Variants in IL12RB1 observed in about 807,000 individuals in gnomAD.
The protein encoded by IL12RB1 is interleukin-12 receptor subunit beta-1.
A neutral mutation model predicts 94.4 loss-of-function variants in IL12RB1; 64 were observed. That is an observed-to-expected ratio of 0.68 (90% confidence interval 0.55 to 0.83). The LOEUF is 0.83. Among genes scored for constraint, IL12RB1 ranks in the 40% least tolerant of loss-of-function variants. The pLI, the probability that IL12RB1 is intolerant of heterozygous loss-of-function variation, is 0.00. For synonymous variants in IL12RB1, 362 were observed against 355.5 expected (o/e 1.02, Z -0.21); for missense variants, 814 against 855.6 (o/e 0.95, Z 0.61).
chr19:18,068,583 C>A (rs1332448766), intron 10 of IL12RB1, 57 bp from the exon 11 acceptor site: 10 of 1,468,496 alleles, frequency 6.8e-6, no homozygotes, highest in Non-Finnish European at 9.5e-6. Flanking sequence ...ACCTCTGCAC[C>A]TTTGCACTGG....
At chr19:18,071,362 C>A (rs1015980202) in intron 9 of IL12RB1, 1 of 1,017,108 alleles carries the variant, frequency 9.8e-7, no homozygotes, top group South Asian at 1.3e-5. Context: ...GAAATTAGAT[C>A]TTAAATAAAC....
chr19:18,087,117 G>C (rs2036399967), upstream of IL12RB1: 3 of 508,630 alleles, frequency 5.9e-6, no homozygotes, highest in Non-Finnish European at 1.1e-5. Context: ...GCTGGCCCCA[G>C]ACCTGAACTG....
chr19:18,073,432 C>T (rs953813084), intron 8 of IL12RB1, 85 bp downstream of exon 8: 8 of 838,950 alleles, frequency 9.5e-6, no homozygotes, highest in Non-Finnish European at 1.7e-5. Context: ...CTCCCTCCAT[C>T]TACCACTTGC....
chr19:18,092,129 G>A (rs984509831), intron 1 of IL12RB1, among the ~76,000 whole-genome samples: 35 of 150,828 alleles, frequency 2.3e-4, no homozygotes, highest in African/African-American at 8.3e-4. Context: ...TGCTGGCCTC[G>A]GCCTCCCAAA....
At chr19:18,078,446 A>T (rs2035641031) in intron 4 of IL12RB1, among the ~76,000 whole-genome samples, 1 of 151,942 alleles carries the variant, frequency 6.6e-6, no homozygotes, top group Admixed American at 6.6e-5. Flanking sequence ...AAAATAAATA[A>T]TTTTTAATAA....
chr19:18,059,453 G>GT lies in IL12RB1; in HGVS notation c.*154dup, dbSNP rs1385422138. ...CTTCCATTTCATGGCAGCATCTAGG[G>GT]TTCCCCCGCAGGATGGGTGGCAACA... On this transcript the variant is annotated 3_prime_UTR_variant, in exon 17 of 17. Coordinates refer to ENST00000593993, the MANE Select transcript of IL12RB1 (RefSeq NM_005535.3). 5 of 644,048 alleles carry GT rather than the reference G, an allele frequency of 7.8e-6. No individual in the cohort carries two copies. The East Asian group carries it at 8.3e-5, about 11-fold the overall frequency. The allele number at this position is 644,048 out of a possible 1,614,324, so 39.9% of individuals were successfully genotyped here. A position where few individuals can be genotyped will look rare whatever the true frequency, so the allele number is the denominator to read the frequency against.
At position 18,080,921 on chromosome 19, in the gene IL12RB1, A is replaced by G. The variant is rs150285174; in HGVS notation, c.320T>C (p.Val107Ala). The change falls in exon 4 of 17, where the codon GTG becomes GCG. Residue 107 changes from valine to alanine, a missense_variant. By Grantham distance (64) the Val-to-Ala change is moderately conservative. Coordinates refer to ENST00000593993, the MANE Select transcript of IL12RB1 (RefSeq NM_005535.3). ...LQFSDQAGVS[V>A]LYTVTLWVES... Reference sequence around the variant, plus strand: ...CACCCAGAGTGTGACAGTGTACAGCACAGACACCCCAGCCTGGTCGGAGAA... The same window carrying G: ...CACCCAGAGTGTGACAGTGTACAGCGCAGACACCCCAGCCTGGTCGGAGAA... 128 of 1,613,820 alleles carry G rather than the reference A, an allele frequency of 7.9e-5. No individual in the cohort carries two copies. Among genetic ancestry groups the G allele is most frequent in the Non-Finnish European group, 1.4e-5 (16 of 1,179,910 alleles).
chr19:18,072,256 A>G lies in IL12RB1; in HGVS notation c.877T>C (p.Cys293Arg). 1 of 1,614,104 alleles carries G rather than the reference A, an allele frequency of 6.2e-7. No homozygotes were observed. Among genetic ancestry groups the G allele is most frequent in the Non-Finnish European group, 8.5e-7 (1 of 1,179,988 alleles). ...RLQLHMLSCP[C>R]KAKATRTLHL... ...AGGGTCCTGGTGGCCTTGGCCTTAC[A>G]CGGGCAGGACAGCATGTGGAGCTGT... is the stretch of plus-strand genomic sequence containing the variant. The change falls in exon 9 of 17, where the codon TGT becomes CGT. Residue 293 changes from cysteine (C) to arginine (R), a missense_variant. Coordinates refer to ENST00000593993, the MANE Select transcript of IL12RB1 (RefSeq NM_005535.3).
chr19:18,096,440 G>A (rs931982166), intron 1 of IL12RB1, among the ~76,000 whole-genome samples: 3 of 152,074 alleles, frequency 2.0e-5, no homozygotes, highest in African/African-American at 7.2e-5. Flanking sequence ...ACCTGCTTTT[G>A]TAAGTAAAGT....
upstream of IL12RB1, among the ~76,000 whole-genome samples, chr19:18,088,404 T>TATATATATAA (rs1038225227): frequency 2.9e-5 from 4 of 137,736 alleles, no homozygotes; most frequent in African/African-American, 1.1e-4. Flanking sequence ...TATATATATA[T>TATATATATAA]AAATTAAAAG....
intron 13 of IL12RB1, among the ~76,000 whole-genome samples, chr19:18,063,078 A>ATT (rs67262412): frequency 0.014 from 745 of 51,470 alleles, 149 homozygotes; most frequent in East Asian, 0.021. Flanking sequence ...TTCTTCTTCT[A>ATT]TTTTTTTTTT....
chr19:18,078,321 C>T (rs565614520), intron 4 of IL12RB1, among the ~76,000 whole-genome samples: 35 of 152,218 alleles, frequency 2.3e-4, no homozygotes, highest in Middle Eastern at 6.8e-3. Context: ...GCAGGAGAAT[C>T]GCTTGAACCC....
At chr19:18,078,428 A>T (rs1014791479) in intron 4 of IL12RB1, among the ~76,000 whole-genome samples, 12 of 152,016 alleles carry the variant, frequency 7.9e-5, no homozygotes, top group Non-Finnish European at 1.8e-4. Context: ...AAATTAAATT[A>T]AAATTTAAAA....
intron 1 of IL12RB1, among the ~76,000 whole-genome samples, chr19:18,086,151 T>A (rs911299270): frequency 6.6e-6 from 1 of 151,722 alleles, no homozygotes; most frequent in African/African-American, 2.4e-5. Flanking sequence ...TGAGCCCAGG[T>A]GGTCAAGGCT....
At chr19:18,075,251 A>ACTTTTTTTTTTTTTTTT (rs2035374914) in intron 7 of IL12RB1, among the ~76,000 whole-genome samples, 1 of 119,380 alleles carries the variant, frequency 8.4e-6, no homozygotes, top group Non-Finnish European at 1.8e-5. Context: ...TTTTATTATT[A>ACTTTTTTTTTTTTTTTT]CTTTTTTTTT....
chr19:18,071,374 C>T, intron 9 of IL12RB1: 2 of 1,016,810 alleles, frequency 2.0e-6, no homozygotes, highest in Non-Finnish European at 1.3e-6. Context: ...TAAATAAACA[C>T]AGGGTCAACT....
At chr19:18,069,130 C>T (rs186656652) in intron 10 of IL12RB1, among the ~76,000 whole-genome samples, 132 of 152,302 alleles carry the variant, frequency 8.7e-4, no homozygotes, top group Non-Finnish European at 1.7e-3. Flanking sequence ...CTGAGGCTTT[C>T]TGGGGCTCTG....
rs757862119 is a variant in IL12RB1, at chr19:18,086,749, AG to A, written c.64+10del. On this transcript the variant is annotated intron_variant, in intron 1 of 16. Coordinates refer to ENST00000593993, the MANE Select transcript of IL12RB1 (RefSeq NM_005535.3). The stretch of plus-strand genomic sequence containing the variant: ...CAAGAGGAGCCGCCATGCCAGGGTC[AG>A]GGGACTCACCGCCCTGCCTGGACAG... 15 of 1,607,194 alleles carry A rather than the reference AG, an allele frequency of 9.3e-6. No individual in the cohort carries two copies. The highest frequency in any genetic ancestry group is 5.6e-5 in the South Asian group (5 of 90,038).
chr19:18,089,486 G>A (rs1297224175), upstream of IL12RB1, among the ~76,000 whole-genome samples: 1 of 151,870 alleles, frequency 6.6e-6, no homozygotes, highest in African/African-American at 2.4e-5. Context: ...TTAGCTGGGC[G>A]TGATGGCATG....
Sources: gnomAD v4.1 joint callset for allele counts (sites outside exome capture counted in the v4.1 genomes callset) on GRCh38, gnomAD v4.1.1 for gene constraint, MANE v1.5 for transcripts, NCBI Gene and HGNC (gene_info 2026-07-23, HGNC 2026-07-21) for gene names.